The following FLT4 variants were observed in gnomAD, a reference collection of about 807,000 sequenced individuals.
FLT4 encodes the protein fms related receptor tyrosine kinase 4.
In FLT4, 30 loss-of-function variants were observed where a neutral mutation model predicts 163.2. The ratio of observed to expected loss-of-function variants is 0.18; its 90% CI spans 0.14 to 0.25. The LOEUF (loss-of-function observed/expected upper bound fraction) is 0.25, where lower values mean the gene tolerates loss of function less well. FLT4 is among the 10% of genes least tolerant of loss of function. The probability of loss-of-function intolerance (pLI) is 1.00; values close to 1 mark genes in which losing one functional copy is unlikely to be tolerated. For synonymous variants in FLT4, 884 were observed against 789.5 expected, an observed-to-expected ratio of 1.12 and a Z score of -2.01; for missense variants, 1,510 against 1,863.8, an observed-to-expected ratio of 0.81 and a Z score of 3.50.
chr5:180,626,136 G>A lies in FLT4; in HGVS notation c.1233C>T (p.Asn411=). Residue 411 remains asparagine (N), a synonymous_variant, in exon 9 of 30, where the codon AAC becomes AAT. Coordinates refer to ENST00000261937, the MANE Select transcript of FLT4 (RefSeq NM_182925.5). ...CATTCACCACCAGCTCCAGGCTGATGTTGCGCCTCAGGCCAGCAGCGGAGT... is the reference window on the plus strand; with the variant it reads ...CATTCACCACCAGCTCCAGGCTGATATTGCGCCTCAGGCCAGCAGCGGAGT... ...LWNSAAGLRR[N]ISLELVVNVP... is the part of the protein sequence containing the mutation. The A allele has an allele frequency of 1.2e-6, 2 of 1,612,888 alleles. No homozygotes were observed. The highest frequency in any genetic ancestry group is 2.2e-5 in the South Asian group (2 of 91,092).
At chr5:180,622,292 CTCTGCTGGTGCCCTGATCTACA>C (rs1351800515) in intron 12 of FLT4, among the ~76,000 whole-genome samples, 1 of 133,902 alleles carries the variant, frequency 7.5e-6, no homozygotes, top group African/African-American at 2.8e-5. Flanking sequence ...ATCTACATCT[CTCTGCTGGTGCCCTGATCTACA>C]TTCTGGGACC....
chr5:180,641,406 C>T (rs1765086857), intron 1 of FLT4, among the ~76,000 whole-genome samples: 3 of 152,272 alleles, frequency 2.0e-5, no homozygotes. Flanking sequence ...GGCCCTACTT[C>T]TCCCTCTCCC....
Position 180,611,374 on chromosome 5 carries a change from C to T in FLT4, c.3643G>A (p.Glu1215Lys), listed in dbSNP as rs1762177636. The change falls in exon 27 of 30, where the codon GAG becomes AAG. Residue 1215 changes from glutamate to lysine, a missense_variant. This residue lies in a region of FLT4 where 295 missense variants were observed against 311.0 expected (regional missense o/e 0.95). Transcript: ENST00000261937. ...MALHIAQADA[E>K]DSPPSLQRHS... ...CGCTGCAGGCTTGGCGGGCTGTCCT[C>T]AGCGTCAGCCTGGGCGATGTGTAGG... The T allele has an allele frequency of 6.2e-7, 1 of 1,613,792 alleles. No individual in the cohort carries two copies. The highest frequency in any genetic ancestry group is 8.5e-7 in the Non-Finnish European group (1 of 1,180,000).
chr5:180,609,044 T>C lies in FLT4; in HGVS notation c.3817A>G (p.Thr1273Ala), dbSNP rs950813882. The C allele has an allele frequency of 6.2e-7, 1 of 1,614,212 alleles. No homozygotes were observed. The highest frequency in any genetic ancestry group is 8.5e-7 in the Non-Finnish European group (1 of 1,180,006). The change falls in exon 29 of 30, where the codon ACA (threonine) becomes GCA (alanine). Residue 1273 changes from threonine to alanine, a missense_variant. Thr to Ala is a moderately conservative substitution (Grantham distance 58). This residue lies in a region of FLT4 where 295 missense variants were observed against 311.0 expected (regional missense o/e 0.95). Coordinates refer to ENST00000261937, the MANE Select transcript of FLT4 (RefSeq NM_182925.5). ...GAGGCCAGCACCATCCCACTGTCTG[T>C]CTGGTTGTCCTGTGTGGAGAGGACA... ...TTYKGSVDNQTDSGMVLASEE... is the reference protein window; with the variant it reads ...TTYKGSVDNQADSGMVLASEE...
Position 180,649,330 on chromosome 5 carries a change from G to T in FLT4, c.58+158C>A, listed in dbSNP as rs1461428375. Among the ~76,000 whole-genome samples, 5 of 151,870 alleles carry T rather than the reference G, an allele frequency of 3.3e-5. No homozygotes were observed. In the East Asian group the frequency reaches 7.8e-4, roughly 24 times the overall value. On this transcript the variant is annotated intron_variant, in intron 1 of 29. Transcript: ENST00000261937. Reference sequence around the variant, plus strand: ...CCCCTTCCTCATCCCGAGGTCCCGCGCCCCAAGCGCCGTGCTCCCCTCAGG... The same window carrying T: ...CCCCTTCCTCATCCCGAGGTCCCGCTCCCCAAGCGCCGTGCTCCCCTCAGG...
chr5:180,630,406 T>G lies in FLT4; in HGVS notation c.401-69A>C. On this transcript the variant is annotated intron_variant, in intron 3 of 29. Coordinates refer to ENST00000261937, the MANE Select transcript of FLT4 (RefSeq NM_182925.5). The surrounding 1 kb of genome is among the most constrained non-coding windows in gnomAD (Gnocchi z 6.3). ...AGGCTGGGGGAGGGCTCCACGGGGCTGGGTGGTGCTGGTCCTGAACCAGCC... is the reference window on the plus strand; with the variant it reads ...AGGCTGGGGGAGGGCTCCACGGGGCGGGGTGGTGCTGGTCCTGAACCAGCC... 6.4e-7 allele frequency: 1 copy of G among 1,550,832 alleles called. No homozygotes were observed. The highest frequency in any genetic ancestry group is 8.8e-7 in the Non-Finnish European group (1 of 1,136,418).
rs1761989982 is a variant in FLT4, at chr5:180,609,255, G to A, written c.3808-202C>T. 4 of 625,882 alleles carry A rather than the reference G, an allele frequency of 6.4e-6. No individual in the cohort carries two copies. The East Asian group carries it at 1.1e-4, about 17-fold the overall frequency. The allele number at this position is 625,882 out of a possible 1,614,324, so 38.8% of individuals were successfully genotyped here. Reference sequence around the variant, plus strand: ...CCCTGCCACGGAGGGAGACACTGAGGTCAGGGGGGCTGTGTGTGGCCCGTG... The same window carrying A: ...CCCTGCCACGGAGGGAGACACTGAGATCAGGGGGGCTGTGTGTGGCCCGTG... On this transcript the variant is annotated intron_variant, in intron 28 of 29. Coordinates refer to ENST00000261937, the MANE Select transcript of FLT4 (RefSeq NM_182925.5).
At position 180,603,319 on chromosome 5, in the gene FLT4, G is replaced by GGCCGCC. The variant is rs773431033; in HGVS notation, c.3959_3964dup (p.Arg1320_Arg1321dup). 6.2e-7 allele frequency: 1 copy of GGCCGCC among 1,613,868 alleles called. No homozygotes were observed. Among genetic ancestry groups the GGCCGCC allele is most frequent in the Non-Finnish European group, 8.5e-7 (1 of 1,179,878 alleles). On this transcript the variant is annotated inframe_insertion, in exon 30 of 30. Coordinates refer to ENST00000261937, the MANE Select transcript of FLT4 (RefSeq NM_182925.5). ...CTGGCCTCCTCGGGCCCCCCGCTCA[G>GGCCGCC]GCCGCCGCCGCCTCCCTTGGGAGTC...
chr5:180,619,412 C>T (rs1762938792), intron 18 of FLT4, 46 bp from the exon 19 acceptor site: 1 of 1,323,170 alleles, frequency 7.6e-7, no homozygotes. Flanking sequence ...CTGGCAGGTC[C>T]CCGTTCCCCG....
In FLT4 at chr5:180,603,325, C is replaced by T. The variant is rs115824945; in HGVS notation, c.3959G>A (p.Arg1320Gln). The T allele has an allele frequency of 4.1e-3, 6,686 of 1,613,938 alleles. 238 individuals are homozygous for T. In the African/African-American group the frequency reaches 0.078, roughly 19 times the overall value. The change falls in exon 30 of 30, where the codon CGG becomes CAG. Residue 1320 changes from arginine to glutamine, a missense_variant. Physicochemically the swap from Arg to Gln is conservative, Grantham distance 43. Around this residue, in one of 5 missense-constraint regions of FLT4, gnomAD observed 295 missense variants for 311.0 expected, o/e 0.95. Transcript: ENST00000261937. ...TCCTCGGGCCCCCCGCTCAGGCCGC[C>T]GCCGCCTCCCTTGGGAGTCAGGGTG... ...RAHPDSQGRRRRPERGARGGQ... is the reference protein window; with the variant it reads ...RAHPDSQGRRQRPERGARGGQ...
rs1382151235 is a variant in FLT4 at position 180,603,382 on chromosome 5, C to T, written c.3902G>A (p.Gly1301Glu). ...GGTCACAGCCACATTCTGGCCAGGT[C>T]CTTTACAGCTGCCAAGACAGGGAAG... ...HRQESGFSCK[G>E]PGQNVAVTRA... Residue 1301 changes from glycine (G) to glutamate (E), a missense_variant, in exon 30 of 30, where the codon GGA (glycine) becomes GAA (glutamate). Coordinates refer to ENST00000261937, the MANE Select transcript of FLT4 (RefSeq NM_182925.5). The T allele has an allele frequency of 5.0e-6, 8 of 1,613,802 alleles. No individual in the cohort carries two copies. The highest frequency in any genetic ancestry group is 5.9e-6 in the Non-Finnish European group (7 of 1,179,938).
chr5:180,619,423 C>CTACTGGCCGCTTAGCTAAGG (rs1554112082), intron 18 of FLT4, 57 bp from the exon 19 acceptor site: 1 of 1,073,026 alleles, frequency 9.3e-7, no homozygotes, highest in Admixed American at 2.3e-5. Context: ...CCGTTCCCCG[C>CTACTGGCCGCTTAGCTAAGG]CACCCGGCGC....
Position 180,620,947 on chromosome 5 carries a change from G to T in FLT4, c.2228C>A (p.Ala743Glu). 1 of 1,610,092 alleles carries T rather than the reference G, an allele frequency of 6.2e-7. No individual in the cohort carries two copies. The highest frequency in any genetic ancestry group is 8.5e-7 in the Non-Finnish European group (1 of 1,178,530). Residue 743 changes from alanine to glutamate, a missense_variant, in exon 15 of 30, where the codon GCG (alanine) becomes GAG (glutamate). Ala to Glu is a moderately radical substitution (Grantham distance 107). Around this residue, in one of 5 missense-constraint regions of FLT4, gnomAD observed 878 missense variants for 1,016.7 expected, o/e 0.86. Coordinates refer to ENST00000261937, the MANE Select transcript of FLT4 (RefSeq NM_182925.5). This position sits in a 1 kb window ranked among gnomAD's most constrained non-coding sequence, Gnocchi z 4.4. The part of the protein sequence containing the change: ...LSIQRVREED[A>E]GRYLCSVCNA... ...GCACACGCTGCACAGATAGCGTCCC[G>T]CATCCTCCTCGCGCACGCGCTGGAT...
chr5:180,629,924 C>G lies in FLT4; in HGVS notation c.676+19G>C. 2 of 1,612,566 alleles carry G rather than the reference C, an allele frequency of 1.2e-6. No individual in the cohort carries two copies. Among genetic ancestry groups the G allele is most frequent in the Non-Finnish European group, 1.7e-6 (2 of 1,179,864 alleles). ...GCAGTGACAGCCCCGTTACTGGGAA[C>G]GGGGCACAGCCCTGTTACCTGTGAT... is the stretch of plus-strand genomic sequence containing the variant. On this transcript the variant is annotated intron_variant, in intron 5 of 29. Coordinates refer to ENST00000261937, the MANE Select transcript of FLT4 (RefSeq NM_182925.5).
chr5:180,617,011 G>C lies in FLT4; in HGVS notation c.3002-17C>G. 2 of 1,603,116 alleles carry C rather than the reference G, an allele frequency of 1.2e-6. No individual in the cohort carries two copies. The highest frequency in any genetic ancestry group is 1.7e-6 in the Non-Finnish European group (2 of 1,171,142). ...GGTCCTCAGCTACACAGTGGAGCCA[G>C]GTGGGCTCAGGAGGCGCCTCCTCCG... On this transcript the variant is annotated splice_polypyrimidine_tract_variant and intron_variant, in intron 21 of 29. Transcript: ENST00000261937.
chr5:180,606,903 A>AAC (rs1581603578), intron 29 of FLT4, among the ~76,000 whole-genome samples: 2 of 47,572 alleles, frequency 4.2e-5, no homozygotes, highest in East Asian at 4.6e-4. Flanking sequence ...TAAAAAAAAA[A>AAC]AAAAAAAAAA....
Position 180,602,639 on chromosome 5 carries a change from A to G in FLT4, c.*553T>C, listed in dbSNP as rs897106196. On this transcript the variant is annotated 3_prime_UTR_variant, in exon 30 of 30. Transcript: ENST00000261937. ...TTGGCTGTTTGGTCAGGCCCAGAAG[A>G]GGACCCTGCAAATGCCTTCTTTGAG... The G allele has an allele frequency of 4.9e-6, 2 of 410,268 alleles. No individual in the cohort carries two copies. Among genetic ancestry groups the G allele is most frequent in the Non-Finnish European group, 8.6e-6 (2 of 232,364 alleles). The allele number at this position is 410,268 out of a possible 1,614,324, so 25.4% of individuals were successfully genotyped here.
rs776816594 is a variant in FLT4 at position 180,612,554 on chromosome 5, C to T, written c.3489G>A (p.Ser1163=). 59 of 1,614,006 alleles carry T rather than the reference C, an allele frequency of 3.7e-5. No homozygotes were observed. The highest frequency in any genetic ancestry group is 1.6e-4 in the Middle Eastern group (1 of 6,084). ...GGTCCCCCAGGATCTCCACCAGCTC[C>T]GAGAATGCAGGTCTCGCCTTGGGGT... is the stretch of plus-strand genomic sequence containing the variant. The part of the protein sequence containing the change: ...SGDPKARPAF[S]ELVEILGDLL... Residue 1163 remains serine, a synonymous_variant, in exon 26 of 30, where the codon TCG becomes TCA. Transcript: ENST00000261937.
At chr5:180,611,539 G>GC in intron 26 of FLT4, 60 bp from the exon 27 acceptor site, 5 of 1,575,782 alleles carry the variant, frequency 3.2e-6, no homozygotes, top group Non-Finnish European at 1.7e-6. Flanking sequence ...CTCAGCCCTC[G>GC]CCCCCACCCT....
Sources: gnomAD v4.1 joint callset for allele counts (sites outside exome capture counted in the v4.1 genomes callset) on GRCh38, gnomAD v4.1.1 for gene constraint, gnomAD v4.1.1 regional missense constraint, Gnocchi (gnomAD v3.1) non-coding constraint, MANE v1.5 for transcripts, NCBI Gene and HGNC (gene_info 2026-07-23, HGNC 2026-07-21) for gene names.